MORC1: variants seen among roughly 807,000 people sequenced by gnomAD.
MORC1 encodes the protein MORC family CW-type zinc finger 1.
Under a neutral mutation model 134.9 loss-of-function variants are expected in MORC1, and 59 were observed. The ratio of observed to expected loss-of-function variants is 0.44; its 90% CI spans 0.35 to 0.54. MORC1 has a LOEUF of 0.54. Ranked by LOEUF, MORC1 falls within the 20% of genes least tolerant of loss-of-function variation. The probability of loss-of-function intolerance (pLI) is 0.00; values close to 1 mark genes in which losing one functional copy is unlikely to be tolerated. For synonymous variants in MORC1, 395 were observed against 391.7 expected, an observed-to-expected ratio of 1.01 and a Z score of -0.10; for missense variants, 947 against 1,134.5, an observed-to-expected ratio of 0.83 and a Z score of 2.37.
In MORC1 at chr3:109,081,479, A is replaced by G. The variant is rs552430328; in HGVS notation, c.690-11722T>C. 2.2e-3 allele frequency among the ~76,000 whole-genome samples: 320 copies of G among 147,892 alleles called. 3 individuals are homozygous for G. Among genetic ancestry groups the G allele is most frequent in the Non-Finnish European group, 4.2e-4 (28 of 67,156 alleles). On this transcript the variant is annotated intron_variant, in intron 8 of 27. Transcript: ENST00000232603. Reference sequence around the variant, plus strand: ...TTTTTTTTTTTTTTTTTTTTGAGACAGAGTCTCACTCTGTCACCCAAGCTG... The same window carrying G: ...TTTTTTTTTTTTTTTTTTTTGAGACGGAGTCTCACTCTGTCACCCAAGCTG...
intron 25 of MORC1, among the ~76,000 whole-genome samples, chr3:108,970,156 A>G (rs1381838987): frequency 6.6e-6 from 1 of 152,132 alleles, no homozygotes; most frequent in Non-Finnish European, 1.5e-5. Context: ...GGTTACCTAG[A>G]AACAGCATTT....
intron 4 of MORC1, among the ~76,000 whole-genome samples, chr3:109,103,157 G>T (rs769296538): frequency 8.5e-5 from 13 of 152,158 alleles, no homozygotes; most frequent in Non-Finnish European, 1.8e-4. Context: ...AAATCTAGTG[G>T]TCAAAAACCC....
chr3:109,104,474 A>G (rs1020955732), intron 3 of MORC1, among the ~76,000 whole-genome samples: 7 of 152,220 alleles, frequency 4.6e-5, no homozygotes, highest in Admixed American at 6.5e-5. Context: ...ATTTGAAATC[A>G]ATTTTAATGA....
chr3:109,063,112 G>T (rs1370812973), intron 10 of MORC1, 40 bp downstream of exon 10: 6 of 1,411,016 alleles, frequency 4.3e-6, no homozygotes, highest in African/African-American at 4.2e-5. Flanking sequence ...TTTGCTGAAT[G>T]ACTGAACAAC....
intron 20 of MORC1, among the ~76,000 whole-genome samples, chr3:109,002,057 C>G (rs561722321): frequency 3.3e-5 from 5 of 152,334 alleles, no homozygotes; most frequent in East Asian, 3.9e-4. Context: ...AGAGTTACCT[C>G]CTCCATCACC....
Position 109,037,776 on chromosome 3 carries a change from C to T in MORC1, c.1331-2308G>A, listed in dbSNP as rs144759020. Among the ~76,000 whole-genome samples, 781 of 152,012 alleles carry T rather than the reference C, an allele frequency of 5.1e-3. 18 individuals are homozygous for T. Among genetic ancestry groups the T allele is most frequent in the African/African-American group, 0.018 (750 of 41,366 alleles). On this transcript the variant is annotated intron_variant, in intron 14 of 27. Transcript: ENST00000232603. ...GTCCCTGCAAAGGATATGAACTCAT[C>T]CTTTTTTATGGCAGCATAGTATTCC...
At chr3:109,040,479 AGAAAGAAAG>A (rs1949507387) in intron 14 of MORC1, among the ~76,000 whole-genome samples, 1 of 149,324 alleles carries the variant, frequency 6.7e-6, no homozygotes, top group African/African-American at 2.5e-5. Context: ...AAAGAAAGAA[AGAAAGAAAG>A]GAAAGAAAAG....
chr3:109,051,381 G>C (rs1283724642), intron 14 of MORC1, among the ~76,000 whole-genome samples: 1 of 152,156 alleles, frequency 6.6e-6, no homozygotes, highest in African/African-American at 2.4e-5. Flanking sequence ...TGTAATACTG[G>C]TTTTCAGATA....
chr3:109,071,327 A>T (rs1386504380), intron 8 of MORC1, among the ~76,000 whole-genome samples: 1 of 152,056 alleles, frequency 6.6e-6, no homozygotes, highest in African/African-American at 2.4e-5. Context: ...ATATATACAC[A>T]CACACATATA....
intron 8 of MORC1, among the ~76,000 whole-genome samples, chr3:109,078,095 T>A (rs1950456896): frequency 6.6e-6 from 1 of 151,862 alleles, no homozygotes; most frequent in South Asian, 2.1e-4. Flanking sequence ...CAAAAACTAG[T>A]AGAAATACAA....
intron 8 of MORC1, among the ~76,000 whole-genome samples, chr3:109,078,698 G>A (rs1266509344): frequency 6.6e-6 from 1 of 151,670 alleles, no homozygotes; most frequent in African/African-American, 2.4e-5. Flanking sequence ...TAAAATAAAA[G>A]TAATCCCAGC....
At chr3:109,058,264 C>T (rs563096679) in intron 12 of MORC1, among the ~76,000 whole-genome samples, 2 of 152,250 alleles carry the variant, frequency 1.3e-5, no homozygotes, top group South Asian at 2.1e-4. Context: ...CTTAAACTTT[C>T]TGTCTCATTT....
At chr3:109,062,730 C>G (rs568335620) in intron 10 of MORC1, among the ~76,000 whole-genome samples, 1 of 152,192 alleles carries the variant, frequency 6.6e-6, no homozygotes, top group Non-Finnish European at 1.5e-5. Flanking sequence ...TAACACAGTG[C>G]TATGACAAGC....
intron 17 of MORC1, among the ~76,000 whole-genome samples, chr3:109,017,418 T>G (rs999906682): frequency 6.6e-5 from 10 of 152,182 alleles, no homozygotes; most frequent in African/African-American, 2.4e-4. Flanking sequence ...ATTAGTGCAC[T>G]AAATTTGCAC....
Position 108,963,575 on chromosome 3 carries a change from T to C in MORC1, c.2638A>G (p.Lys880Glu), listed in dbSNP as rs777571057. ...QNTYMVQYEKKIKRKLQSIIY... is the reference protein window; with the variant it reads ...QNTYMVQYEKEIKRKLQSIIY... ...ATGGACTGCAATTTCCTCTTTATTT[T>C]TTTTTCATATTGGACCATGTAAGTA... is the stretch of plus-strand genomic sequence containing the variant. Residue 880 changes from lysine (K) to glutamate (E), a missense_variant, in exon 27 of 28, where the codon AAA (lysine) becomes GAA (glutamate). Around this residue, in one of 3 missense-constraint regions of MORC1, gnomAD observed 722 missense variants for 817.0 expected, o/e 0.88. Transcript: ENST00000232603. 1 of 1,583,170 alleles carries C rather than the reference T, an allele frequency of 6.3e-7. No homozygotes were observed. The highest frequency in any genetic ancestry group is 8.6e-7 in the Non-Finnish European group (1 of 1,166,696).
chr3:108,975,856 G>A (rs915073842), intron 24 of MORC1, among the ~76,000 whole-genome samples: 1 of 151,896 alleles, frequency 6.6e-6, no homozygotes, highest in Admixed American at 6.6e-5. Flanking sequence ...TTAATAGTCT[G>A]GAACCAGTTC....
At chr3:109,114,771 T>C (rs867210394) in intron 1 of MORC1, among the ~76,000 whole-genome samples, 1 of 152,240 alleles carries the variant, frequency 6.6e-6, no homozygotes, top group Admixed American at 6.5e-5. Flanking sequence ...AGAGGATTTT[T>C]CATTAAAATT....
chr3:109,078,770 T>C (rs926679423), intron 8 of MORC1, among the ~76,000 whole-genome samples: 4 of 151,894 alleles, frequency 2.6e-5, no homozygotes, highest in Admixed American at 2.0e-4. Context: ...TAAATTTCTT[T>C]GGCCAAGAAA....
At chr3:108,989,159 T>A (rs1947979076) in intron 21 of MORC1, among the ~76,000 whole-genome samples, 1 of 152,204 alleles carries the variant, frequency 6.6e-6, no homozygotes, top group Admixed American at 6.5e-5. Context: ...AGACAGTTGT[T>A]TTTTCGATTA....
Sources: allele counts gnomAD v4.1 joint callset (sites outside exome capture counted in the v4.1 genomes callset), GRCh38; gene constraint gnomAD v4.1.1; regional missense constraint gnomAD v4.1.1; transcripts MANE v1.5; gene names NCBI Gene and HGNC (gene_info 2026-07-23, HGNC 2026-07-21).